Variants in COBL observed in about 807,000 individuals in gnomAD.
The protein encoded by COBL is protein cordon-bleu.
A neutral mutation model predicts 98.8 loss-of-function variants in COBL; 51 were observed. That is an observed-to-expected ratio of 0.52 (90% CI 0.41 to 0.65). COBL has a LOEUF of 0.65. Among genes scored for constraint, COBL ranks in the 30% least tolerant of loss-of-function variants. COBL has a pLI of 0.00. For missense variants in COBL, 1,617 were observed against 1,617.5 expected (o/e 1.00, Z 0.01); for synonymous variants, 634 against 651.7 (o/e 0.97, Z 0.41).
At position 51,135,280 on chromosome 7, in the gene COBL, A is replaced by T. The variant is rs1183634068; in HGVS notation, c.957+878T>A. Among the ~76,000 whole-genome samples, 5 of 152,296 alleles carry T rather than the reference A, an allele frequency of 3.3e-5. No individual in the cohort carries two copies. The East Asian group carries it at 5.8e-4, about 18-fold the overall frequency. On this transcript the variant is annotated intron_variant, in intron 6 of 12. Transcript: ENST00000265136. Reference sequence around the variant, plus strand: ...ACCCGGCCTAGAAAATATTTAAGAGATGCAAAAATAAAAATATTTTCTTTG... The same window carrying T: ...ACCCGGCCTAGAAAATATTTAAGAGTTGCAAAAATAAAAATATTTTCTTTG...
At chr7:51,128,363 G>A (rs188464693) in intron 6 of COBL, among the ~76,000 whole-genome samples, 3 of 152,326 alleles carry the variant, frequency 2.0e-5, no homozygotes, top group East Asian at 3.9e-4. Flanking sequence ...TGGGATATGT[G>A]TGCGTGTATG....
chr7:51,017,040 C>CA lies in COBL; in HGVS notation c.*510dup. ...ACAAAGCCACCTTTGAAAAGCCTCCCAATTTTTTTTTCTTACTACCAAAAC... is the reference window on the plus strand; with the variant it reads ...ACAAAGCCACCTTTGAAAAGCCTCCCAAATTTTTTTTTCTTACTACCAAAAC... On this transcript the variant is annotated 3_prime_UTR_variant, in exon 13 of 13. Transcript: ENST00000265136. The CA allele has an allele frequency of 2.5e-6, 1 of 402,254 alleles. No homozygotes were observed. The highest frequency in any genetic ancestry group is 4.4e-6 in the Non-Finnish European group (1 of 228,452). The allele number at this position is 402,254 out of a possible 1,614,324, so 24.9% of individuals were successfully genotyped here. A position where few individuals can be genotyped will look rare whatever the true frequency, so the allele number is the denominator to read the frequency against.
intron 12 of COBL, among the ~76,000 whole-genome samples, chr7:51,024,031 C>T (rs536650557): frequency 3.3e-5 from 5 of 152,300 alleles, no homozygotes; most frequent in East Asian, 1.9e-4. Context: ...AAATCTTTGC[C>T]GGGCGCAGTG....
chr7:51,220,086 A>G lies in COBL; in HGVS notation c.42-142T>C, dbSNP rs1223141817. 10 of 671,614 alleles carry G rather than the reference A, an allele frequency of 1.5e-5. No homozygotes were observed. In the Admixed American group the frequency reaches 1.9e-4, roughly 12 times the overall value. 41.6% of individuals were successfully genotyped at this position (671,614 alleles called of 1,614,324 possible). On this transcript the variant is annotated intron_variant, in intron 1 of 12. Transcript: ENST00000265136. ...GCCTTTTTAAAATCAATGTCCCCCA[A>G]ACAAGTAAAAACTAATAAAGTAAAC...
chr7:51,108,238 G>C (rs1464122696), intron 6 of COBL, among the ~76,000 whole-genome samples: 3 of 152,226 alleles, frequency 2.0e-5, no homozygotes, highest in Non-Finnish European at 4.4e-5. Context: ...GGTGGCATGA[G>C]TGGAGGCTGG....
At chr7:51,094,506 C>G (rs865815116) in intron 6 of COBL, among the ~76,000 whole-genome samples, 1 of 151,842 alleles carries the variant, frequency 6.6e-6, no homozygotes, top group African/African-American at 2.4e-5. Context: ...TATTATTTAT[C>G]AATTAAAAGT....
chr7:51,018,940 ATATATATATATATG>A (rs1786632163), intron 12 of COBL, among the ~76,000 whole-genome samples: 1 of 96,442 alleles, frequency 1.0e-5, no homozygotes, highest in African/African-American at 3.6e-5. Flanking sequence ...ATATATATAT[ATATATATATATATG>A]ATTTTTTTTG....
chr7:51,078,344 G>A (rs1793291619), intron 7 of COBL, among the ~76,000 whole-genome samples: 2 of 152,150 alleles, frequency 1.3e-5, no homozygotes, highest in Non-Finnish European at 1.5e-5. Flanking sequence ...TATGATACAT[G>A]GAACAGCCAC....
chr7:51,117,389 T>C (rs1365727364), intron 6 of COBL, among the ~76,000 whole-genome samples: 4 of 152,038 alleles, frequency 2.6e-5, no homozygotes, highest in Non-Finnish European at 4.4e-5. Context: ...CTACTTTTTT[T>C]TCCAAAATTT....
At chr7:51,157,186 C>T (rs1786250052) in intron 5 of COBL, among the ~76,000 whole-genome samples, 1 of 152,206 alleles carries the variant, frequency 6.6e-6, no homozygotes, top group South Asian at 2.1e-4. Flanking sequence ...GCCTGGCCAA[C>T]ATGGTGAAAC....
chr7:51,131,607 T>TTC (rs1798742986), intron 6 of COBL, among the ~76,000 whole-genome samples: 3 of 151,848 alleles, frequency 2.0e-5, no homozygotes, highest in Admixed American at 6.6e-5. Context: ...TTTTTTTTTT[T>TTC]TTCTGAAATG....
intron 1 of COBL, among the ~76,000 whole-genome samples, chr7:51,304,100 T>C: frequency 6.6e-6 from 1 of 152,242 alleles, no homozygotes; most frequent in Non-Finnish European, 1.5e-5. Context: ...CAGTCCCATG[T>C]TGTCGCCAGC....
At chr7:51,046,616 T>G (rs1159235987) in intron 7 of COBL, among the ~76,000 whole-genome samples, 1 of 152,204 alleles carries the variant, frequency 6.6e-6, no homozygotes, top group African/African-American at 2.4e-5. Context: ...GAGATAATGG[T>G]GCAGGAGACT....
Position 51,154,988 on chromosome 7 carries a change from C to T in COBL, c.784-18657G>A, listed in dbSNP as rs189835771. Reference sequence around the variant, plus strand: ...CTAAGTTCCTACTCTTGTTTCCAGGCACTGCATTAGTTGAACAATCAGAAA... The same window carrying T: ...CTAAGTTCCTACTCTTGTTTCCAGGTACTGCATTAGTTGAACAATCAGAAA... On this transcript the variant is annotated intron_variant, in intron 5 of 12. Transcript: ENST00000265136. Among the ~76,000 whole-genome samples, 19 of 152,280 alleles carry T rather than the reference C, an allele frequency of 1.2e-4. No individual in the cohort carries two copies. In the East Asian group the frequency reaches 3.7e-3, roughly 29 times the overall value.
chr7:51,315,271 AAGAG>A (rs1554471871), intron 1 of COBL, among the ~76,000 whole-genome samples: 6 of 151,772 alleles, frequency 4.0e-5, no homozygotes, highest in Non-Finnish European at 4.4e-5. Context: ...AAAAAAAAAA[AAGAG>A]AGAGAGAAAG....
chr7:51,073,972 A>G (rs944653702), intron 7 of COBL, among the ~76,000 whole-genome samples: 2 of 152,252 alleles, frequency 1.3e-5, no homozygotes, highest in Non-Finnish European at 2.9e-5. Flanking sequence ...TGTTTTCTCT[A>G]GTGGGAGACT....
chr7:51,271,398 T>G (rs930561994), intron 1 of COBL, among the ~76,000 whole-genome samples: 8 of 152,208 alleles, frequency 5.3e-5, no homozygotes, highest in African/African-American at 1.7e-4. Flanking sequence ...TACTCCTTAG[T>G]AAGCCCCAAC....
rs775054175 is a variant in COBL at position 51,017,257 on chromosome 7, G to A, written c.*294C>T. 1 of 561,000 alleles carries A rather than the reference G, an allele frequency of 1.8e-6. No homozygotes were observed. The highest frequency in any genetic ancestry group is 3.1e-6 in the Non-Finnish European group (1 of 317,534). The allele number at this position is 561,000 out of a possible 1,614,324, so 34.8% of individuals were successfully genotyped here. A position where few individuals can be genotyped will look rare whatever the true frequency, so the allele number is the denominator to read the frequency against. ...ATAAATATAATTAAGTGTGAGTGCTGGGCTCCAGCATTTATAGTCCCATTA... is the reference window on the plus strand; with the variant it reads ...ATAAATATAATTAAGTGTGAGTGCTAGGCTCCAGCATTTATAGTCCCATTA... On this transcript the variant is annotated 3_prime_UTR_variant, in exon 13 of 13. Coordinates refer to ENST00000265136, the MANE Select transcript of COBL (RefSeq NM_015198.5).
chr7:51,053,775 G>T (rs1790461066), intron 7 of COBL, among the ~76,000 whole-genome samples: 1 of 152,220 alleles, frequency 6.6e-6, no homozygotes, highest in South Asian at 2.1e-4. Context: ...TCGTCTTTGT[G>T]TCTCTGCTCC....
Sources: allele counts gnomAD v4.1 joint callset (sites outside exome capture counted in the v4.1 genomes callset), GRCh38; gene constraint gnomAD v4.1.1; transcripts MANE v1.5; gene names NCBI Gene and HGNC (gene_info 2026-07-23, HGNC 2026-07-21).